Variants in DIAPH2 observed in about 807,000 individuals in gnomAD.
The protein encoded by DIAPH2 is diaphanous related formin 2.
DIAPH2 carries 35 observed loss-of-function variants against 92.7 expected under a neutral mutation model. The ratio of observed to expected loss-of-function variants is 0.38; its 90% CI spans 0.29 to 0.50. The LOEUF (loss-of-function observed/expected upper bound fraction) is 0.50. Ranked by LOEUF, DIAPH2 falls within the 20% of genes least tolerant of loss-of-function variation. DIAPH2 has a pLI of 0.94. For synonymous variants in DIAPH2, 301 were observed against 280.4 expected (o/e 1.07, Z -0.73); for missense variants, 701 against 819.5 (o/e 0.86, Z 1.77).
chrX:96,744,580 G>A (rs2064138525), intron 3 of DIAPH2, among the ~76,000 whole-genome samples: 1 of 111,652 alleles, frequency 9.0e-6, no homozygotes, highest in Non-Finnish European at 1.9e-5. Context: ...AGCCTGGGAT[G>A]GATTATTTCC....
intron 26 of DIAPH2, among the ~76,000 whole-genome samples, chrX:97,578,024 T>C: frequency 4.4e-5 from 1 of 22,777 alleles, no homozygotes; most frequent in South Asian, 0.016. Flanking sequence ...ACCAGATTAG[T>C]CTTGTTTTAA....
chrX:97,174,034 TA>T (rs1450791549), intron 22 of DIAPH2, among the ~76,000 whole-genome samples: 1 of 105,145 alleles, frequency 9.5e-6, no homozygotes, highest in African/African-American at 3.4e-5. Flanking sequence ...TTTTATTATA[TA>T]AAATTATTAT....
At chrX:97,136,398 G>A (rs2067170332) in intron 21 of DIAPH2, among the ~76,000 whole-genome samples, 1 of 111,920 alleles carries the variant, frequency 8.9e-6, no homozygotes, top group African/African-American at 3.2e-5. Flanking sequence ...CATACAAGTA[G>A]TAAATGGTAG....
chrX:97,311,609 A>C (rs181578517), intron 23 of DIAPH2, among the ~76,000 whole-genome samples: 56 of 110,990 alleles, frequency 5.0e-4, no homozygotes, highest in African/African-American at 1.8e-3. Context: ...CAGATGAGCC[A>C]GTTTATCTAT....
At chrX:97,121,509 A>C (rs1386429811) in intron 21 of DIAPH2, among the ~76,000 whole-genome samples, 2 of 112,246 alleles carry the variant, frequency 1.8e-5, no homozygotes, top group Non-Finnish European at 3.8e-5. Flanking sequence ...ATTACTACAG[A>C]TTGAAAGTCA....
At chrX:97,423,161 C>T (rs932600912) in intron 25 of DIAPH2, among the ~76,000 whole-genome samples, 6 of 111,017 alleles carry the variant, frequency 5.4e-5, no homozygotes, top group African/African-American at 2.0e-4. Flanking sequence ...GAACACAAAC[C>T]TGCCTGACAT....
intron 26 of DIAPH2, among the ~76,000 whole-genome samples, chrX:97,520,426 C>T (rs1480182418): frequency 2.7e-5 from 3 of 112,276 alleles, no homozygotes; most frequent in Non-Finnish European, 5.6e-5. Context: ...TTCTCCCACA[C>T]AATAACAGTG....
At chrX:97,139,377 AG>A (rs1260954631) in intron 21 of DIAPH2, among the ~76,000 whole-genome samples, 1 of 108,120 alleles carries the variant, frequency 9.2e-6, no homozygotes, top group Non-Finnish European at 1.9e-5. Context: ...ACATAGAGAA[AG>A]GTTTAAAAGA....
In DIAPH2 at chrX:97,045,766, AG is replaced by A. The variant is rs750918925; in HGVS notation, c.2051-27174del. Among the ~76,000 whole-genome samples the A allele has an allele frequency of 7.2e-4, 79 of 110,386 alleles. 1 individual carries two copies. Among genetic ancestry groups the A allele is most frequent in the African/African-American group, 2.5e-3 (75 of 30,231 alleles). The stretch of plus-strand genomic sequence containing the variant: ...GTGAGAGAGTATAAGCAGTTTGGCT[AG>A]ACAATTCTTGAAAAGCTTGGCTCTG... On this transcript the variant is annotated intron_variant, in intron 17 of 26. Coordinates refer to ENST00000324765, the MANE Select transcript of DIAPH2 (RefSeq NM_006729.5).
intron 25 of DIAPH2, among the ~76,000 whole-genome samples, chrX:97,406,296 ACT>A (rs1384708636): frequency 9.0e-6 from 1 of 111,177 alleles, no homozygotes; most frequent in African/African-American, 3.3e-5. Context: ...TCCCGGTTTG[ACT>A]CTGAGGTGGA....
chrX:97,493,270 T>G (rs1283149403), intron 26 of DIAPH2, among the ~76,000 whole-genome samples: 1 of 106,872 alleles, frequency 9.4e-6, no homozygotes, highest in African/African-American at 3.3e-5. Flanking sequence ...ATTTATTCAT[T>G]TATTTATTGA....
At chrX:97,383,409 C>T (rs912910413) in intron 24 of DIAPH2, among the ~76,000 whole-genome samples, 20 of 109,623 alleles carry the variant, frequency 1.8e-4, no homozygotes, top group Non-Finnish European at 1.7e-4. Flanking sequence ...TCACAAAACT[C>T]CTATAAGGTA....
intron 26 of DIAPH2, among the ~76,000 whole-genome samples, chrX:97,556,163 C>T (rs1416266018): frequency 9.0e-6 from 1 of 111,376 alleles, no homozygotes; most frequent in African/African-American, 3.3e-5. Flanking sequence ...TCCCTGCAGC[C>T]GGAATCATCA....
chrX:96,905,553 T>G (rs2065427345), intron 5 of DIAPH2, among the ~76,000 whole-genome samples: 1 of 111,605 alleles, frequency 9.0e-6, no homozygotes, highest in Non-Finnish European at 1.9e-5. Flanking sequence ...AATTGAATCT[T>G]CTGATACCTT....
intron 25 of DIAPH2, among the ~76,000 whole-genome samples, chrX:97,398,073 G>C (rs781371434): frequency 8.9e-6 from 1 of 111,938 alleles, no homozygotes; most frequent in Admixed American, 9.4e-5. Context: ...GTGCTTAACC[G>C]ACCTCATTCT....
intron 22 of DIAPH2, among the ~76,000 whole-genome samples, chrX:97,169,022 T>G (rs1368769561): frequency 8.9e-6 from 1 of 111,990 alleles, no homozygotes; most frequent in African/African-American, 3.3e-5. Context: ...ACCATCACAC[T>G]AGGGACTAGG....
At chrX:97,126,649 T>C (rs961320555) in intron 21 of DIAPH2, among the ~76,000 whole-genome samples, 1 of 111,914 alleles carries the variant, frequency 8.9e-6, no homozygotes, top group Non-Finnish European at 1.9e-5. Flanking sequence ...GACAGGCAAA[T>C]GGATTTTATA....
intron 22 of DIAPH2, among the ~76,000 whole-genome samples, chrX:97,203,193 C>T (rs1410749225): frequency 8.9e-6 from 1 of 111,788 alleles, no homozygotes; most frequent in African/African-American, 3.2e-5. Context: ...AACTTTATAG[C>T]ACTAAGTGCC....
rs146801753 is a variant in DIAPH2, at chrX:97,124,038, C to G, written c.2589+9073C>G. On this transcript the variant is annotated intron_variant, in intron 21 of 26. Coordinates refer to ENST00000324765, the MANE Select transcript of DIAPH2 (RefSeq NM_006729.5). ...ATTTTTCCAAATGGTCATACATCTT[C>G]TAGATTTATATTAATGTGGAGATGC... Among the ~76,000 whole-genome samples, 8 of 112,105 alleles carry G rather than the reference C, an allele frequency of 7.1e-5. No homozygotes were observed. The East Asian group carries it at 2.2e-3, about 31-fold the overall frequency.
Sources: allele counts gnomAD v4.1 joint callset (sites outside exome capture counted in the v4.1 genomes callset), GRCh38; gene constraint gnomAD v4.1.1; transcripts MANE v1.5; gene names NCBI Gene and HGNC (gene_info 2026-07-23, HGNC 2026-07-21).